LPP: variants seen among roughly 807,000 people sequenced by gnomAD.
LPP encodes the protein LIM domain containing preferred translocation partner in lipoma.
Under a neutral mutation model 60.4 loss-of-function variants are expected in LPP, and 38 were observed. That is an observed-to-expected ratio of 0.63 (90% CI 0.49 to 0.83). The LOEUF (loss-of-function observed/expected upper bound fraction) is 0.83. Ranked by LOEUF, LPP falls within the 40% of genes least tolerant of loss-of-function variation. The probability of loss-of-function intolerance (pLI) is 0.00; values close to 1 mark genes in which losing one functional copy is unlikely to be tolerated. For missense variants in LPP, 902 were observed against 783.6 expected, an observed-to-expected ratio of 1.15 and a Z score of -1.80; for synonymous variants, 328 against 290.8, an observed-to-expected ratio of 1.13 and a Z score of -1.30.
intron 3 of LPP, among the ~76,000 whole-genome samples, chr3:188,375,718 T>C (rs1774861273): frequency 6.6e-6 from 1 of 152,234 alleles, no homozygotes; most frequent in Non-Finnish European, 1.5e-5. Flanking sequence ...CATTCTGCTC[T>C]GATCTTAGTT....
chr3:188,593,162 G>GTGTGTT (rs1195189322), intron 6 of LPP, among the ~76,000 whole-genome samples: 1 of 151,514 alleles, frequency 6.6e-6, no homozygotes, highest in Non-Finnish European at 1.5e-5. Context: ...TGGTGTGTGT[G>GTGTGTT]TGTGTGTGTG....
At chr3:188,823,755 T>C (rs1754630671) in intron 9 of LPP, among the ~76,000 whole-genome samples, 5 of 152,104 alleles carry the variant, frequency 3.3e-5, no homozygotes, top group Admixed American at 2.6e-4. Flanking sequence ...TTTTGCATAA[T>C]TTGTATTAGT....
At chr3:188,414,076 A>G (rs1200926779) in intron 4 of LPP, among the ~76,000 whole-genome samples, 1 of 152,158 alleles carries the variant, frequency 6.6e-6, no homozygotes, top group African/African-American at 2.4e-5. Context: ...TGAGTGAAAC[A>G]GAGACTAGTT....
intron 6 of LPP, among the ~76,000 whole-genome samples, chr3:188,608,806 G>C (rs1047632212): frequency 2.0e-5 from 3 of 152,172 alleles, no homozygotes; most frequent in Non-Finnish European, 2.9e-5. Flanking sequence ...TATGAACACA[G>C]ATGTTTATCC....
At chr3:188,869,473 TA>T (rs929093003) in intron 10 of LPP, among the ~76,000 whole-genome samples, 7 of 152,074 alleles carry the variant, frequency 4.6e-5, no homozygotes, top group African/African-American at 7.2e-5. Context: ...ATATTTTTAG[TA>T]CAGACAAGGT....
chr3:188,266,507 A>G (rs375468254), intron 2 of LPP, among the ~76,000 whole-genome samples: 3 of 150,512 alleles, frequency 2.0e-5, no homozygotes, highest in African/African-American at 7.4e-5. Context: ...GACAGAAGAG[A>G]AGAGGAGAGG....
chr3:188,155,897 C>A (rs1716210780), intron 1 of LPP, among the ~76,000 whole-genome samples: 1 of 152,004 alleles, frequency 6.6e-6, no homozygotes, highest in South Asian at 2.1e-4. Context: ...GAACTGTAGT[C>A]CCAGCTACTC....
chr3:188,438,277 G>C (rs909948808), intron 4 of LPP, among the ~76,000 whole-genome samples: 3 of 151,582 alleles, frequency 2.0e-5, no homozygotes, highest in Non-Finnish European at 4.4e-5. Context: ...CCCAATCTTA[G>C]AGTAGCTGTG....
intron 6 of LPP, among the ~76,000 whole-genome samples, chr3:188,545,391 T>G (rs1826355100): frequency 6.6e-6 from 1 of 151,998 alleles, no homozygotes; most frequent in Non-Finnish European, 1.5e-5. Flanking sequence ...ACAGAAGGGA[T>G]AAGTACTGGT....
rs538810442 is a variant in LPP at position 188,214,633 on chromosome 3, A to G, written c.-189-10772A>G. On this transcript the variant is annotated intron_variant, in intron 1 of 11. Transcript: ENST00000617246. The stretch of plus-strand genomic sequence containing the variant: ...GCTTTGAAGCAAGTGGGAGGAGGGA[A>G]GTTGCACAGGACTCCCAGGAACCTG... 5.3e-5 allele frequency among the ~76,000 whole-genome samples: 8 copies of G among 152,288 alleles called. 1 individual carries two copies. The South Asian group carries it at 1.7e-3, about 32-fold the overall frequency.
At chr3:188,503,984 A>C (rs576799771) in intron 5 of LPP, among the ~76,000 whole-genome samples, 1 of 152,208 alleles carries the variant, frequency 6.6e-6, no homozygotes, top group Admixed American at 6.5e-5. Context: ...GGCTTTGATC[A>C]AATTTGGGGG....
At chr3:188,240,179 A>C (rs1723517750) in intron 2 of LPP, 2 of 183,098 alleles carry the variant, frequency 1.1e-5, no homozygotes, top group African/African-American at 4.7e-5. Flanking sequence ...TTTATGTGTA[A>C]ATGATATCTG....
chr3:188,370,414 A>G (rs6799895), intron 3 of LPP, among the ~76,000 whole-genome samples: 136,725 of 152,106 alleles, frequency 0.9, 63,119 homozygotes, highest in Non-Finnish European at 1. Flanking sequence ...ACTCTCTAGC[A>G]ATCCCAGGTG....
rs191392978 is a variant in LPP, at chr3:188,340,598, T to C, written c.-66-1065T>C. ...TTTGTTCTTAGAGTCTGGTGGAAAC[T>C]CCAACTCTCTGAACCTAGGGCATGA... On this transcript the variant is annotated intron_variant, in intron 2 of 11. Transcript: ENST00000617246. Among the ~76,000 whole-genome samples, 81 of 152,250 alleles carry C rather than the reference T, an allele frequency of 5.3e-4. 2 individuals are homozygous for C. Among genetic ancestry groups the C allele is most frequent in the Admixed American group, 3.6e-3 (55 of 15,284 alleles).
intron 1 of LPP, among the ~76,000 whole-genome samples, chr3:188,197,985 A>G (rs1231395502): frequency 6.6e-6 from 1 of 152,226 alleles, no homozygotes; most frequent in African/African-American, 2.4e-5. Context: ...CACAAGTTAC[A>G]TAATTCGAGT....
chr3:188,482,729 A>G (rs1304287762), intron 4 of LPP, among the ~76,000 whole-genome samples: 1 of 152,250 alleles, frequency 6.6e-6, no homozygotes, highest in Non-Finnish European at 1.5e-5. Flanking sequence ...TATAATTGTC[A>G]TAAGGATATG....
intron 7 of LPP, among the ~76,000 whole-genome samples, chr3:188,624,069 G>A (rs1846318335): frequency 6.6e-6 from 1 of 152,138 alleles, no homozygotes; most frequent in South Asian, 2.1e-4. Flanking sequence ...TGCAAGACAA[G>A]CTAAAGACCT....
intron 6 of LPP, among the ~76,000 whole-genome samples, chr3:188,604,436 T>TA (rs1156500568): frequency 6.6e-6 from 1 of 152,136 alleles, no homozygotes; most frequent in Non-Finnish European, 1.5e-5. Flanking sequence ...AAGTAAAACT[T>TA]ACACATATAG....
chr3:188,314,872 A>C (rs1298484396), intron 2 of LPP, among the ~76,000 whole-genome samples: 3 of 152,192 alleles, frequency 2.0e-5, no homozygotes, highest in Non-Finnish European at 4.4e-5. Context: ...ATTTTGAAAT[A>C]GTTTGATAAC....
Sources: allele counts gnomAD v4.1 joint callset (sites outside exome capture counted in the v4.1 genomes callset), GRCh38; gene constraint gnomAD v4.1.1; transcripts MANE v1.5; gene names NCBI Gene and HGNC (gene_info 2026-07-23, HGNC 2026-07-21).